The following GRIA1 variants were observed in gnomAD, a reference collection of about 807,000 sequenced individuals.
GRIA1 encodes the protein glutamate ionotropic receptor AMPA type subunit 1.
In GRIA1, 31 loss-of-function variants were observed where a neutral mutation model predicts 99.2. That is an observed-to-expected ratio of 0.31 (90% confidence interval 0.23 to 0.42). GRIA1 has a LOEUF of 0.42. Among genes scored for constraint, GRIA1 ranks in the 10% least tolerant of loss-of-function variants. GRIA1 has a pLI of 1.00. For missense variants in GRIA1, 782 were observed against 1,157.5 expected (o/e 0.68, Z 4.71); for synonymous variants, 438 against 432.4 (o/e 1.01, Z -0.16).
At chr5:153,760,507 T>C (rs1337558900) in intron 11 of GRIA1, among the ~76,000 whole-genome samples, 1 of 151,968 alleles carries the variant, frequency 6.6e-6, no homozygotes, top group East Asian at 1.9e-4. Context: ...CTATAAAACA[T>C]TGATGAAAGA....
At position 153,624,425 on chromosome 5, in the gene GRIA1, C is replaced by T. The variant is rs374785537; in HGVS notation, c.221-22503C>T. 7.6e-4 allele frequency among the ~76,000 whole-genome samples: 115 copies of T among 152,266 alleles called. 1 individual carries two copies. Among genetic ancestry groups the T allele is most frequent in the Middle Eastern group, 3.4e-3 (1 of 294 alleles). The stretch of plus-strand genomic sequence containing the variant: ...CCTGCTTGTCATGCTTCTCTATCAC[C>T]CCACCCACCTGCAGCCATCAGAGAG... On this transcript the variant is annotated intron_variant, in intron 2 of 15. Transcript: ENST00000285900.
chr5:153,704,580 T>C (rs1386493727), intron 10 of GRIA1, among the ~76,000 whole-genome samples: 1 of 152,194 alleles, frequency 6.6e-6, no homozygotes, highest in Non-Finnish European at 1.5e-5. Context: ...CTGTATTATA[T>C]ATGTATTTCT....
intron 11 of GRIA1, among the ~76,000 whole-genome samples, chr5:153,738,694 A>G (rs1470305909): frequency 6.8e-6 from 1 of 146,530 alleles, no homozygotes; most frequent in Non-Finnish European, 1.5e-5. Context: ...GGCTCCTATA[A>G]TGTTGCGTGT....
intron 2 of GRIA1, among the ~76,000 whole-genome samples, chr5:153,516,424 T>G (rs1756634858): frequency 6.6e-6 from 1 of 151,842 alleles, no homozygotes; most frequent in African/African-American, 2.4e-5. Context: ...CACAGCACCC[T>G]TTGGGGGAAA....
intron 2 of GRIA1, among the ~76,000 whole-genome samples, chr5:153,555,062 C>A (rs1212252010): frequency 6.6e-6 from 1 of 152,120 alleles, no homozygotes; most frequent in South Asian, 2.1e-4. Context: ...ACCTCTGATT[C>A]TCAGTGATGT....
At chr5:153,699,118 G>C (rs1416830355) in intron 10 of GRIA1, 45 bp downstream of exon 10, 1 of 1,379,736 alleles carries the variant, frequency 7.2e-7, no homozygotes, top group Non-Finnish European at 1.0e-6. Flanking sequence ...GAGGCAGAGG[G>C]TTTGACAGGA....
chr5:153,695,139 A>G (rs1192158584), intron 8 of GRIA1, among the ~76,000 whole-genome samples: 1 of 152,164 alleles, frequency 6.6e-6, no homozygotes, highest in African/African-American at 2.4e-5. Context: ...TATATAACCT[A>G]TTGTTTTGTT....
At chr5:153,705,321 G>A (rs1429589948) in intron 10 of GRIA1, among the ~76,000 whole-genome samples, 1 of 152,146 alleles carries the variant, frequency 6.6e-6, no homozygotes, top group African/African-American at 2.4e-5. Flanking sequence ...TAGCCAGAGT[G>A]ATCAGACCCA....
In GRIA1 at chr5:153,811,517, A is replaced by G; in HGVS notation, c.*292A>G. 1 of 363,056 alleles carries G rather than the reference A, an allele frequency of 2.8e-6. No homozygotes were observed. The highest frequency in any genetic ancestry group is 4.0e-5 in the Admixed American group (1 of 24,922). 22.5% of individuals were successfully genotyped at this position (363,056 alleles called of 1,614,324 possible). ...GTCTAATGAAACCTGTGTCTCTGAG[A>G]GTAGAGTCACTGGAACACTAATGAG... is the stretch of plus-strand genomic sequence containing the variant. On this transcript the variant is annotated 3_prime_UTR_variant, in exon 16 of 16. Transcript: ENST00000285900.
intron 11 of GRIA1, among the ~76,000 whole-genome samples, chr5:153,740,087 G>A (rs1028188614): frequency 2.6e-5 from 4 of 152,240 alleles, no homozygotes; most frequent in African/African-American, 9.6e-5. Context: ...GAACACATGG[G>A]TGGATATAAG....
intron 4 of GRIA1, among the ~76,000 whole-genome samples, chr5:153,653,446 G>T (rs1754716138): frequency 6.6e-6 from 1 of 152,182 alleles, no homozygotes; most frequent in Non-Finnish European, 1.5e-5. Context: ...AGAGTTTAGG[G>T]TTTATTCTGT....
rs529465850 is a variant in GRIA1, at chr5:153,602,897, C to T, written c.221-44031C>T. Among the ~76,000 whole-genome samples the T allele has an allele frequency of 1.2e-4, 19 of 152,302 alleles. No homozygotes were observed. In the East Asian group the frequency reaches 3.5e-3, roughly 28 times the overall value. On this transcript the variant is annotated intron_variant, in intron 2 of 15. Coordinates refer to ENST00000285900, the MANE Select transcript of GRIA1 (RefSeq NM_000827.4). ...CTTAAGTTCTTTTCTTTCTGTCCCT[C>T]GTGCCCTTTGTCTTCAGGCTGGTAA...
intron 4 of GRIA1, among the ~76,000 whole-genome samples, 164 bp from the exon 5 acceptor site, chr5:153,655,655 G>A (rs1754887097): frequency 1.3e-5 from 2 of 152,126 alleles, no homozygotes; most frequent in South Asian, 4.1e-4. Flanking sequence ...GTAAAATAAG[G>A]ATGCTAACAA....
intron 2 of GRIA1, among the ~76,000 whole-genome samples, chr5:153,543,219 G>A (rs1362582217): frequency 6.6e-6 from 1 of 152,136 alleles, no homozygotes; most frequent in Non-Finnish European, 1.5e-5. Context: ...TTGGAATGGT[G>A]ACAATGTTGT....
Position 153,492,178 on chromosome 5 carries a change from T to C in GRIA1, c.82+1208T>C, listed in dbSNP as rs747287102. 15 of 1,521,130 alleles carry C rather than the reference T, an allele frequency of 9.9e-6. No individual in the cohort carries two copies. The South Asian group carries it at 1.6e-4, about 16-fold the overall frequency. The allele number at this position is 1,521,130 out of a possible 1,614,324, so 94.2% of individuals were successfully genotyped here. A position where few individuals can be genotyped will look rare whatever the true frequency, so the allele number is the denominator to read the frequency against. Reference sequence around the variant, plus strand: ...GTGTTTGAGGGGGGATGTGGTGCAATTGATATTTTGTCGGGCATACATGTG... The same window carrying C: ...GTGTTTGAGGGGGGATGTGGTGCAACTGATATTTTGTCGGGCATACATGTG... On this transcript the variant is annotated intron_variant, in intron 1 of 15. Coordinates refer to ENST00000285900, the MANE Select transcript of GRIA1 (RefSeq NM_000827.4).
chr5:153,685,344 G>A (rs993633917), intron 7 of GRIA1, among the ~76,000 whole-genome samples: 4 of 152,174 alleles, frequency 2.6e-5, no homozygotes, highest in Non-Finnish European at 5.9e-5. Context: ...AAATATCTTG[G>A]ATCTCCATGG....
intron 2 of GRIA1, among the ~76,000 whole-genome samples, chr5:153,579,300 G>A (rs1762842154): frequency 6.6e-6 from 1 of 152,174 alleles, no homozygotes; most frequent in South Asian, 2.1e-4. Flanking sequence ...ATTGAAGTTT[G>A]CATTTGGTTC....
At chr5:153,660,496 C>T (rs750123620) in intron 5 of GRIA1, among the ~76,000 whole-genome samples, 59 of 152,102 alleles carry the variant, frequency 3.9e-4, no homozygotes, top group Non-Finnish European at 6.6e-4. Flanking sequence ...TTCTTATTAC[C>T]GTGCCATGTG....
chr5:153,732,629 C>A lies in GRIA1; in HGVS notation c.1823+26562C>A, dbSNP rs1185321456. Among the ~76,000 whole-genome samples, 3 of 150,550 alleles carry A rather than the reference C, an allele frequency of 2.0e-5. No individual in the cohort carries two copies. The East Asian group carries it at 5.9e-4, about 29-fold the overall frequency. On this transcript the variant is annotated intron_variant, in intron 11 of 15. Coordinates refer to ENST00000285900, the MANE Select transcript of GRIA1 (RefSeq NM_000827.4). Reference sequence around the variant, plus strand: ...GTCATATATAGTTTGAATATTAACCCCTTATTGGGTATATGGTTTGCAAAT... The same window carrying A: ...GTCATATATAGTTTGAATATTAACCACTTATTGGGTATATGGTTTGCAAAT...
Sources: allele counts gnomAD v4.1 joint callset (sites outside exome capture counted in the v4.1 genomes callset), GRCh38; gene constraint gnomAD v4.1.1; transcripts MANE v1.5; gene names NCBI Gene and HGNC (gene_info 2026-07-23, HGNC 2026-07-21).